Variants in KLHL29 observed in about 807,000 individuals in gnomAD.
The protein encoded by KLHL29 is kelch-like protein 29.
A neutral mutation model predicts 80.4 loss-of-function variants in KLHL29; 21 were observed. The observed-to-expected ratio is 0.26, with a 90% CI of 0.19 to 0.38. The LOEUF (loss-of-function observed/expected upper bound fraction) is 0.38. Ranked by LOEUF, KLHL29 falls within the 10% of genes least tolerant of loss-of-function variation. The pLI, the probability that KLHL29 is intolerant of heterozygous loss-of-function variation, is 1.00. For missense variants in KLHL29, 867 were observed against 1,223.9 expected (o/e 0.71, Z 4.35); for synonymous variants, 511 against 526.8 (o/e 0.97, Z 0.41).
At chr2:23,481,074 A>G (rs1005453930) in intron 2 of KLHL29, among the ~76,000 whole-genome samples, 4 of 152,214 alleles carry the variant, frequency 2.6e-5, no homozygotes, top group African/African-American at 9.6e-5. Context: ...TGCCTATGAC[A>G]TCACCCAGGG....
intron 3 of KLHL29, among the ~76,000 whole-genome samples, chr2:23,574,155 G>A (rs1222456681): frequency 6.6e-6 from 1 of 152,160 alleles, no homozygotes. Flanking sequence ...TGAGCTCAGC[G>A]CCACTTTGGA....
At chr2:23,526,221 C>T (rs989761069) in intron 2 of KLHL29, among the ~76,000 whole-genome samples, 3 of 152,044 alleles carry the variant, frequency 2.0e-5, no homozygotes, top group Non-Finnish European at 2.9e-5. Flanking sequence ...TGCCCACGTG[C>T]AGTCGTGGTG....
chr2:23,553,521 C>T (rs747699269), intron 2 of KLHL29, among the ~76,000 whole-genome samples: 4 of 152,228 alleles, frequency 2.6e-5, no homozygotes, highest in Non-Finnish European at 4.4e-5. Context: ...CTGCAAACCC[C>T]ACATTTCATG....
At chr2:23,474,368 A>G (rs1340389791) in intron 1 of KLHL29, among the ~76,000 whole-genome samples, 1 of 152,234 alleles carries the variant, frequency 6.6e-6, no homozygotes, top group African/African-American at 2.4e-5. Context: ...GATCTTTCCC[A>G]GAATACATCG....
chr2:23,616,471 TCTG>T (rs1219304880), intron 3 of KLHL29: 3 of 152,244 alleles, frequency 2.0e-5, no homozygotes, highest in Non-Finnish European at 4.4e-5. Context: ...CGCATCCTAT[TCTG>T]CTGAATAAAG....
intron 3 of KLHL29, among the ~76,000 whole-genome samples, chr2:23,579,231 T>C (rs925056742): frequency 6.6e-6 from 1 of 152,156 alleles, no homozygotes; most frequent in Non-Finnish European, 1.5e-5. Flanking sequence ...GGAAACTGAG[T>C]TTTGGAAAGC....
chr2:23,689,024 C>T (rs370390504), intron 6 of KLHL29: 16 of 153,294 alleles, frequency 1.0e-4, no homozygotes, highest in African/African-American at 3.8e-4. Context: ...GCGCCCCCAC[C>T]CCCTCACAGC....
chr2:23,612,850 T>C (rs946656059), intron 3 of KLHL29, among the ~76,000 whole-genome samples: 2 of 151,670 alleles, frequency 1.3e-5, no homozygotes, highest in Non-Finnish European at 2.9e-5. Flanking sequence ...CAGGAAGCAA[T>C]GAAAAGCAAC....
intron 7 of KLHL29, 39 bp downstream of exon 7, chr2:23,691,915 G>A: frequency 6.5e-7 from 1 of 1,530,904 alleles, no homozygotes; most frequent in African/African-American, 1.4e-5. Context: ...GGGGGGAAGA[G>A]TGCAGATGGG....
rs576783345 is a variant in KLHL29 at position 23,554,373 on chromosome 2, G to A, written c.-45-7779G>A. Among the ~76,000 whole-genome samples the A allele has an allele frequency of 1.1e-4, 17 of 152,310 alleles. No individual in the cohort carries two copies. In the South Asian group the frequency reaches 3.5e-3, roughly 32 times the overall value. On this transcript the variant is annotated intron_variant, in intron 2 of 13. Coordinates refer to ENST00000486442, the MANE Select transcript of KLHL29 (RefSeq NM_052920.2). Reference sequence around the variant, plus strand: ...AATCATACATTTTCTGATCGGGGCCGGCCGGGCCGAGGCTCATTCCTCAGC... The same window carrying A: ...AATCATACATTTTCTGATCGGGGCCAGCCGGGCCGAGGCTCATTCCTCAGC...
intron 3 of KLHL29, among the ~76,000 whole-genome samples, chr2:23,613,250 T>G (rs1040008091): frequency 6.6e-6 from 1 of 152,188 alleles, no homozygotes; most frequent in African/African-American, 2.4e-5. Flanking sequence ...ATGTATATGC[T>G]CTAACCAAAA....
intron 5 of KLHL29, among the ~76,000 whole-genome samples, chr2:23,663,496 G>T (rs1055120726): frequency 2.0e-5 from 3 of 152,204 alleles, no homozygotes; most frequent in African/African-American, 4.8e-5. Flanking sequence ...GCGCGTCTGC[G>T]AGCGCCTATT....
intron 6 of KLHL29, among the ~76,000 whole-genome samples, chr2:23,686,547 A>G (rs1671268095): frequency 6.6e-6 from 1 of 152,108 alleles, no homozygotes. Flanking sequence ...CCAGGACGGA[A>G]AGGCAAGCAC....
intron 5 of KLHL29, among the ~76,000 whole-genome samples, chr2:23,658,810 G>A (rs537777705): frequency 1.3e-5 from 2 of 152,304 alleles, no homozygotes; most frequent in South Asian, 2.1e-4. Context: ...ACTGCCTTGC[G>A]CCGCTCAAAT....
At chr2:23,512,012 C>T (rs1465462940) in intron 2 of KLHL29, among the ~76,000 whole-genome samples, 1 of 152,166 alleles carries the variant, frequency 6.6e-6, no homozygotes, top group African/African-American at 2.4e-5. Context: ...TGTCAGGGCT[C>T]TCGGTAGAAA....
intron 3 of KLHL29, among the ~76,000 whole-genome samples, chr2:23,610,433 C>A (rs1475132866): frequency 6.6e-6 from 1 of 152,198 alleles, no homozygotes; most frequent in Non-Finnish European, 1.5e-5. Flanking sequence ...GAATGAAGTT[C>A]ATAAATTGGT....
intron 1 of KLHL29, among the ~76,000 whole-genome samples, chr2:23,429,828 CTTT>C (rs1201593910): frequency 3.3e-5 from 5 of 152,130 alleles, no homozygotes; most frequent in Admixed American, 6.5e-5. Context: ...TATAACACCC[CTTT>C]CCCTTCCAAC....
intron 3 of KLHL29, among the ~76,000 whole-genome samples, chr2:23,590,933 G>A (rs551177178): frequency 3.9e-5 from 6 of 152,294 alleles, no homozygotes; most frequent in East Asian, 1.9e-4. Flanking sequence ...CGTCCCTGCC[G>A]CTGGGAGCTC....
intron 1 of KLHL29, among the ~76,000 whole-genome samples, chr2:23,474,776 C>G (rs984360013): frequency 1.3e-5 from 2 of 151,906 alleles, no homozygotes; most frequent in Non-Finnish European, 2.9e-5. Context: ...CCCTGCTACC[C>G]GGGACTCTGG....
Sources: gnomAD v4.1 joint callset for allele counts (sites outside exome capture counted in the v4.1 genomes callset) on GRCh38, gnomAD v4.1.1 for gene constraint, MANE v1.5 for transcripts, NCBI Gene and HGNC (gene_info 2026-07-23, HGNC 2026-07-21) for gene names.